FSTL5: variants seen among roughly 807,000 people sequenced by gnomAD.
FSTL5 encodes follistatin like 5, also known as follistatin-related protein 5.
Under a neutral mutation model 89.1 loss-of-function variants are expected in FSTL5, and 62 were observed. The ratio of observed to expected loss-of-function variants is 0.70; its 90% CI spans 0.57 to 0.86. FSTL5 has a LOEUF of 0.86. Among genes scored for constraint, FSTL5 ranks in the 40% least tolerant of loss-of-function variants. The probability of loss-of-function intolerance (pLI) is 0.00; values close to 1 mark genes in which losing one functional copy is unlikely to be tolerated. For synonymous variants in FSTL5, 383 were observed against 346.2 expected (o/e 1.11, Z -1.18); for missense variants, 1,057 against 1,001.6 (o/e 1.06, Z -0.75).
intron 4 of FSTL5, among the ~76,000 whole-genome samples, chr4:161,865,079 T>C (rs1732038737): frequency 6.6e-6 from 1 of 152,152 alleles, no homozygotes; most frequent in South Asian, 2.1e-4. Context: ...TTTATATAAA[T>C]GGACCAAAGG....
At chr4:161,588,982 A>G (rs1733714189) in intron 7 of FSTL5, among the ~76,000 whole-genome samples, 1 of 148,916 alleles carries the variant, frequency 6.7e-6, no homozygotes, top group Admixed American at 6.7e-5. Flanking sequence ...CTGTGTAAAG[A>G]GCCCTATCCC....
At chr4:161,946,171 T>C (rs1380527138) in intron 3 of FSTL5, among the ~76,000 whole-genome samples, 2 of 152,210 alleles carry the variant, frequency 1.3e-5, no homozygotes, top group African/African-American at 4.8e-5. Flanking sequence ...GCCAGTCTCA[T>C]ATGTTCATTC....
intron 10 of FSTL5, among the ~76,000 whole-genome samples, chr4:161,527,434 A>C (rs1295933925): frequency 3.3e-5 from 5 of 152,200 alleles, no homozygotes; most frequent in African/African-American, 1.2e-4. Flanking sequence ...CAATGAACTC[A>C]AACAAATTTA....
chr4:161,821,137 A>C (rs909288482), intron 4 of FSTL5, among the ~76,000 whole-genome samples: 2 of 152,090 alleles, frequency 1.3e-5, no homozygotes, highest in Non-Finnish European at 2.9e-5. Flanking sequence ...TCCTTAGCTC[A>C]GGTGATCCTC....
chr4:161,772,206 T>G (rs1741234540), intron 5 of FSTL5, among the ~76,000 whole-genome samples: 1 of 152,154 alleles, frequency 6.6e-6, no homozygotes, highest in Non-Finnish European at 1.5e-5. Flanking sequence ...GCTGCATTTA[T>G]AAAACCCAGG....
intron 2 of FSTL5, among the ~76,000 whole-genome samples, chr4:162,088,548 T>C (rs1347048497): frequency 1.3e-5 from 2 of 152,120 alleles, no homozygotes; most frequent in Non-Finnish European, 2.9e-5. Flanking sequence ...TTTGAGAGTA[T>C]TCAGTCAAAA....
At position 161,743,274 on chromosome 4, in the gene FSTL5, C is replaced by A. The variant is rs76252577; in HGVS notation, c.727+16137G>T. The stretch of plus-strand genomic sequence containing the variant: ...GCAAATGGATATTCAGTTTTCCCAG[C>A]ACTAGTTGTTGAAAAGACTGTTATT... On this transcript the variant is annotated intron_variant, in intron 6 of 15. Coordinates refer to ENST00000306100, the MANE Select transcript of FSTL5 (RefSeq NM_020116.5). 7.7e-3 allele frequency among the ~76,000 whole-genome samples: 1,167 copies of A among 152,162 alleles called. 18 individuals are homozygous for A. The highest frequency in any genetic ancestry group is 0.026 in the African/African-American group (1,091 of 41,532).
At chr4:161,707,083 A>T (rs1046250247) in intron 6 of FSTL5, among the ~76,000 whole-genome samples, 3 of 152,032 alleles carry the variant, frequency 2.0e-5, no homozygotes, top group African/African-American at 7.2e-5. Flanking sequence ...TTATTTCAGA[A>T]AAAAATCTAA....
chr4:161,622,819 C>T (rs1178694585), intron 7 of FSTL5, among the ~76,000 whole-genome samples: 1 of 151,956 alleles, frequency 6.6e-6, no homozygotes, highest in Non-Finnish European at 1.5e-5. Flanking sequence ...ATTACTTAAA[C>T]CTGAGTATAT....
chr4:161,503,391 T>C (rs1386617648), intron 11 of FSTL5, among the ~76,000 whole-genome samples: 1 of 151,894 alleles, frequency 6.6e-6, no homozygotes, highest in South Asian at 2.1e-4. Context: ...TTCTATGATA[T>C]AAAATTTTAA....
At chr4:161,612,837 G>A (rs1049851634) in intron 7 of FSTL5, among the ~76,000 whole-genome samples, 1 of 152,088 alleles carries the variant, frequency 6.6e-6, no homozygotes, top group Non-Finnish European at 1.5e-5. Flanking sequence ...ATAAAATAGG[G>A]ACCTCAGTGG....
chr4:161,651,551 G>A (rs962019315), intron 7 of FSTL5, among the ~76,000 whole-genome samples: 1 of 152,046 alleles, frequency 6.6e-6, no homozygotes, highest in South Asian at 2.1e-4. Context: ...GGGGAAGAAA[G>A]GGAAAGAAAG....
chr4:161,947,955 T>C (rs1560931047), intron 3 of FSTL5, among the ~76,000 whole-genome samples: 1 of 152,038 alleles, frequency 6.6e-6, no homozygotes, highest in Admixed American at 6.6e-5. Context: ...TTAAATGTTA[T>C]TTTACCTTAT....
At chr4:161,594,086 A>T (rs1578952426) in intron 7 of FSTL5, among the ~76,000 whole-genome samples, 1 of 152,048 alleles carries the variant, frequency 6.6e-6, no homozygotes, top group African/African-American at 2.4e-5. Flanking sequence ...GATTTTGAGC[A>T]AAAAAAATAA....
At chr4:161,714,007 T>C (rs1044372516) in intron 6 of FSTL5, among the ~76,000 whole-genome samples, 6 of 152,214 alleles carry the variant, frequency 3.9e-5, no homozygotes, top group African/African-American at 1.4e-4. Flanking sequence ...TTAAAACCTA[T>C]TATATTTGTA....
intron 15 of FSTL5, among the ~76,000 whole-genome samples, chr4:161,419,589 C>A (rs189804234): frequency 1.2e-3 from 186 of 152,276 alleles, no homozygotes; most frequent in Non-Finnish European, 2.0e-3. Flanking sequence ...TTCTGAGAAT[C>A]TAATCTCCAC....
intron 3 of FSTL5, among the ~76,000 whole-genome samples, chr4:161,966,288 C>G (rs549008936): frequency 6.6e-6 from 1 of 152,120 alleles, no homozygotes; most frequent in Non-Finnish European, 1.5e-5. Context: ...TGATTTCTAG[C>G]TGTCTATTTT....
At chr4:161,852,194 T>C (rs1731576723) in intron 4 of FSTL5, among the ~76,000 whole-genome samples, 2 of 151,688 alleles carry the variant, frequency 1.3e-5, no homozygotes, top group South Asian at 4.1e-4. Context: ...TATATATATA[T>C]ATTTATTTGA....
intron 9 of FSTL5, among the ~76,000 whole-genome samples, chr4:161,541,591 T>C (rs1731820176): frequency 6.6e-6 from 1 of 152,030 alleles, no homozygotes; most frequent in African/African-American, 2.4e-5. Flanking sequence ...CATGTCTCTA[T>C]TGACTTGCAA....
Sources: gnomAD v4.1 joint callset for allele counts (sites outside exome capture counted in the v4.1 genomes callset) on GRCh38, gnomAD v4.1.1 for gene constraint, MANE v1.5 for transcripts, NCBI Gene and HGNC (gene_info 2026-07-23, HGNC 2026-07-21) for gene names.